Variants in ZNF496 observed in about 807,000 individuals in gnomAD.
ZNF496 encodes zinc finger protein 496, also known as NSD1 (nuclear receptor binding SET-domain containing 1)-interacting zinc finger protein 1.
A neutral mutation model predicts 58.9 loss-of-function variants in ZNF496; 11 were observed. That is an observed-to-expected ratio of 0.19 (90% CI 0.12 to 0.31). The LOEUF is 0.31. Ranked by LOEUF, ZNF496 falls within the 10% of genes least tolerant of loss-of-function variation. The probability of loss-of-function intolerance (pLI) is 1.00; values close to 1 mark genes in which losing one functional copy is unlikely to be tolerated. For synonymous variants in ZNF496, 338 were observed against 318.2 expected, an observed-to-expected ratio of 1.06 and a Z score of -0.66; for missense variants, 660 against 783.0, an observed-to-expected ratio of 0.84 and a Z score of 1.88.
In ZNF496 at chr1:247,300,403, C is replaced by A. The variant is rs1659199004; in HGVS notation, c.*116G>T. On this transcript the variant is annotated 3_prime_UTR_variant, in exon 10 of 10. Transcript: ENST00000682384. This position sits in a 1 kb window ranked among gnomAD's most constrained non-coding sequence, Gnocchi z 5.7. ...AACGCTCACTACCTGAGAGCAAGGACAGGAGGGAGGTGTGCTCTCTATCCT... is the reference window on the plus strand; with the variant it reads ...AACGCTCACTACCTGAGAGCAAGGAAAGGAGGGAGGTGTGCTCTCTATCCT... 2 of 1,159,468 alleles carry A rather than the reference C, an allele frequency of 1.7e-6. No homozygotes were observed. Among genetic ancestry groups the A allele is most frequent in the Non-Finnish European group, 2.4e-6 (2 of 847,676 alleles). The allele number at this position is 1,159,468 out of a possible 1,614,324, so 71.8% of individuals were successfully genotyped here.
chr1:247,320,646 A>T (rs1036299004), intron 6 of ZNF496, among the ~76,000 whole-genome samples: 3 of 152,214 alleles, frequency 2.0e-5, no homozygotes, highest in Non-Finnish European at 2.9e-5. Context: ...TTGAGGGTTT[A>T]AAAAGTTCAC....
At position 247,300,430 on chromosome 1, in the gene ZNF496, G is replaced by A; in HGVS notation, c.*89C>T. ...GGAGGGAGGTGTGCTCTCTATCCTG[G>A]GGAAGGTATGTCCTGGGTGGGGGCG... is the stretch of plus-strand genomic sequence containing the variant. On this transcript the variant is annotated 3_prime_UTR_variant, in exon 10 of 10. Transcript: ENST00000682384. This position sits in a 1 kb window ranked among gnomAD's most constrained non-coding sequence, Gnocchi z 5.7. 7.1e-7 allele frequency: 1 copy of A among 1,413,002 alleles called. No homozygotes were observed. The highest frequency in any genetic ancestry group is 9.5e-7 in the Non-Finnish European group (1 of 1,055,594). 87.5% of individuals were successfully genotyped at this position (1,413,002 alleles called of 1,614,324 possible).
chr1:247,308,770 G>C lies in ZNF496; in HGVS notation c.893-182C>G. The C allele has an allele frequency of 1.7e-6, 1 of 573,894 alleles. No individual in the cohort carries two copies. 35.6% of individuals were successfully genotyped at this position (573,894 alleles called of 1,614,324 possible). On this transcript the variant is annotated intron_variant, in intron 8 of 9. Coordinates refer to ENST00000682384, the MANE Select transcript of ZNF496 (RefSeq NM_032752.3). This position sits in a 1 kb window ranked among gnomAD's most constrained non-coding sequence, Gnocchi z 4.5. ...GAGTGAATGAACCTGAAGGCAAAAT[G>C]GGCCAACTCCACAAACATGAGCTCT...
At chr1:247,313,748 A>G (rs1011234070) in intron 6 of ZNF496, 2 of 152,242 alleles carry the variant, frequency 1.3e-5, no homozygotes, top group Non-Finnish European at 2.9e-5. Context: ...AAACCTTGAC[A>G]CACATCAAGA....
chr1:247,320,189 A>C (rs1366150218), intron 6 of ZNF496, among the ~76,000 whole-genome samples: 2 of 152,244 alleles, frequency 1.3e-5, no homozygotes, highest in Non-Finnish European at 2.9e-5. Flanking sequence ...ACAAATATTT[A>C]CAGCAGCTTT....
chr1:247,314,571 C>T (rs1659711495), intron 6 of ZNF496, among the ~76,000 whole-genome samples: 1 of 151,482 alleles, frequency 6.6e-6, no homozygotes, highest in Non-Finnish European at 1.5e-5. Flanking sequence ...AGAAAAGTAA[C>T]TCAAAGGACT....
In ZNF496 at chr1:247,309,856, C is replaced by T; in HGVS notation, c.785-50G>A. 6.3e-7 allele frequency: 1 copy of T among 1,596,186 alleles called. No homozygotes were observed. Among genetic ancestry groups the T allele is most frequent in the Non-Finnish European group, 8.6e-7 (1 of 1,166,490 alleles). ...CATGTTTATTAGTAATCTGATCCTG[C>T]AGCAACCAGGGCTGGTCCAGAAGAG... On this transcript the variant is annotated intron_variant, in intron 7 of 9. Transcript: ENST00000682384. This position sits in a 1 kb window ranked among gnomAD's most constrained non-coding sequence, Gnocchi z 4.3.
rs1294475356 is a variant in ZNF496, at chr1:247,300,892, C to T, written c.1391G>A (p.Arg464Gln). ...LESHEAQKPY[R>Q]CGACGKSFRL... ...GAAGCTCTTCCCGCAGGCACCACAC[C>T]GGTAAGGCTTCTGGGCCTCGTGGCT... Residue 464 changes from arginine to glutamine, a missense_variant, in exon 10 of 10, where the codon CGG (arginine) becomes CAG (glutamine). By Grantham distance (43) the Arg-to-Gln change is conservative. Transcript: ENST00000682384. This position sits in a 1 kb window ranked among gnomAD's most constrained non-coding sequence, Gnocchi z 5.7. 4.3e-6 allele frequency: 7 copies of T among 1,612,090 alleles called. No homozygotes were observed. Among genetic ancestry groups the T allele is most frequent in the Non-Finnish European group, 4.2e-6 (5 of 1,178,930 alleles).
chr1:247,317,732 T>C (rs1659833076), intron 6 of ZNF496, among the ~76,000 whole-genome samples: 1 of 152,204 alleles, frequency 6.6e-6, no homozygotes. Context: ...GCCCTTCTCT[T>C]GCTGGAGCTA....
chr1:247,310,445 A>G lies in ZNF496; in HGVS notation c.663T>C (p.Ser221=), dbSNP rs1441807950. 6.2e-7 allele frequency: 1 copy of G among 1,614,184 alleles called. No homozygotes were observed. The highest frequency in any genetic ancestry group is 8.5e-7 in the Non-Finnish European group (1 of 1,180,036). Residue 221 remains serine, a synonymous_variant, in exon 7 of 10, where the codon TCT becomes TCC. Coordinates refer to ENST00000682384, the MANE Select transcript of ZNF496 (RefSeq NM_032752.3). ...TTLQLPPSRV[S]PFKDMILCFS... ...AGCATAAAATCATGTCCTTGAATGG[A>G]GAAACCCGACTCTGAAAGCACAGGA...
At chr1:247,319,794 G>A (rs756324733) in intron 6 of ZNF496, among the ~76,000 whole-genome samples, 17 of 152,104 alleles carry the variant, frequency 1.1e-4, no homozygotes, top group Admixed American at 9.8e-4. Flanking sequence ...CTGGTGGTGC[G>A]CGCCTGTAGT....
At chr1:247,317,205 G>T (rs76192302) in intron 6 of ZNF496, among the ~76,000 whole-genome samples, 3,204 of 152,218 alleles carry the variant, frequency 0.021, 107 homozygotes, top group African/African-American at 0.072. Flanking sequence ...AGAATGGCCA[G>T]GGACCTTGGA....
In ZNF496 at chr1:247,314,388, G is replaced by T. The variant is rs575690999; in HGVS notation, c.652-3932C>A. On this transcript the variant is annotated intron_variant, in intron 6 of 9. Transcript: ENST00000682384. ...TCATTACTTAATCCACTGTCTTGTT[G>T]ATGTGTGTCAAGGTTTTCAGTATTT... Among the ~76,000 whole-genome samples the T allele has an allele frequency of 6.2e-5, 9 of 144,376 alleles. No homozygotes were observed. The East Asian group carries it at 1.7e-3, about 28-fold the overall frequency. 94.7% of individuals were successfully genotyped at this position (144,376 alleles called of 152,430 possible).
chr1:247,305,512 C>T (rs770912742), intron 9 of ZNF496, among the ~76,000 whole-genome samples: 4 of 152,130 alleles, frequency 2.6e-5, no homozygotes, highest in Non-Finnish European at 5.9e-5. Flanking sequence ...TTGTTGCAGG[C>T]GGAGTGGCAA....
At chr1:247,330,505 C>A (rs1248375003) in intron 2 of ZNF496, among the ~76,000 whole-genome samples, 1 of 152,216 alleles carries the variant, frequency 6.6e-6, no homozygotes, top group East Asian at 1.9e-4. Context: ...GCAGCTGCCA[C>A]ACCCCCAAGG....
At chr1:247,323,778 AAGAAG>A (rs1182800812) in intron 5 of ZNF496, among the ~76,000 whole-genome samples, 18 of 131,186 alleles carry the variant, frequency 1.4e-4, no homozygotes, top group Admixed American at 8.2e-4. Context: ...GAAAAAAAAA[AAGAAG>A]AAGAAAAAGA....
Position 247,308,065 on chromosome 1 carries a change from A to T in ZNF496, c.1006+410T>A. ...AAACACTCACTGCATCACCAACAGC[A>T]CTACAGCAGCACCCTGCTTTGACAC... On this transcript the variant is annotated intron_variant, in intron 9 of 9. Coordinates refer to ENST00000682384, the MANE Select transcript of ZNF496 (RefSeq NM_032752.3). This position sits in a 1 kb window ranked among gnomAD's most constrained non-coding sequence, Gnocchi z 4.5. The T allele has an allele frequency of 1.0e-6, 1 of 968,508 alleles. No homozygotes were observed. Among genetic ancestry groups the T allele is most frequent in the Non-Finnish European group, 1.2e-6 (1 of 814,508 alleles). 60.0% of individuals were successfully genotyped at this position (968,508 alleles called of 1,614,324 possible).
At chr1:247,314,312 C>T (rs1659704333) in intron 6 of ZNF496, among the ~76,000 whole-genome samples, 1 of 151,650 alleles carries the variant, frequency 6.6e-6, no homozygotes, top group South Asian at 2.1e-4. Flanking sequence ...CCACCTCAGC[C>T]TCCCATAGGG....
Position 247,329,197 on chromosome 1 carries a change from A to G in ZNF496, c.382T>C (p.Trp128Arg), listed in dbSNP as rs1660236604. 6.2e-7 allele frequency: 1 copy of G among 1,613,284 alleles called. No individual in the cohort carries two copies. The highest frequency in any genetic ancestry group is 8.5e-7 in the Non-Finnish European group (1 of 1,180,016). ...CCACCTCTTCTACTCACCCACTGCCAGGGTCTCCCGGGCTCCCGTTCCAGT... is the reference window on the plus strand; with the variant it reads ...CCACCTCTTCTACTCACCCACTGCCGGGGTCTCCCGGGCTCCCGTTCCAGT... ...EALEREPGRP[W>R]QWLKHCEDPV... Residue 128 changes from tryptophan (W) to arginine (R), a missense_variant, in exon 4 of 10, where the codon TGG (tryptophan) becomes CGG (arginine). Transcript: ENST00000682384. This position sits in a 1 kb window ranked among gnomAD's most constrained non-coding sequence, Gnocchi z 5.5.
Sources: allele counts gnomAD v4.1 joint callset (sites outside exome capture counted in the v4.1 genomes callset), GRCh38; gene constraint gnomAD v4.1.1; non-coding constraint Gnocchi (gnomAD v3.1); transcripts MANE v1.5; gene names NCBI Gene and HGNC (gene_info 2026-07-23, HGNC 2026-07-21).